The following CACNA2D1 variants were observed in gnomAD, a reference collection of about 807,000 sequenced individuals.
The protein encoded by CACNA2D1 is calcium voltage-gated channel auxiliary subunit alpha2delta 1.
In CACNA2D1, 53 loss-of-function variants were observed where a neutral mutation model predicts 171.5. That is an observed-to-expected ratio of 0.31 (90% CI 0.25 to 0.39). CACNA2D1 has a LOEUF of 0.39. Ranked by LOEUF, CACNA2D1 falls within the 10% of genes least tolerant of loss-of-function variation. The pLI is 1.00. For synonymous variants in CACNA2D1, 442 were observed against 443.1 expected (o/e 1.00, Z 0.03); for missense variants, 903 against 1,299.8 (o/e 0.69, Z 4.69).
At chr7:82,328,970 C>T (rs567022253) in intron 3 of CACNA2D1, among the ~76,000 whole-genome samples, 71 of 152,152 alleles carry the variant, frequency 4.7e-4, no homozygotes, top group Non-Finnish European at 1.0e-4. Flanking sequence ...TCCTGGATCC[C>T]CTTCTCACTT....
intron 3 of CACNA2D1, among the ~76,000 whole-genome samples, chr7:82,249,341 A>G (rs1805355433): frequency 6.6e-6 from 1 of 152,182 alleles, no homozygotes; most frequent in Non-Finnish European, 1.5e-5. Context: ...ATGGACTTGT[A>G]GAAAAAAAGA....
intron 10 of CACNA2D1, among the ~76,000 whole-genome samples, chr7:82,052,009 T>A (rs896634242): frequency 6.6e-6 from 1 of 152,176 alleles, no homozygotes; most frequent in South Asian, 2.1e-4. Context: ...GATTTAAGCA[T>A]GAAAAATTAC....
chr7:82,140,477 TAATAAG>T (rs1389107336), intron 4 of CACNA2D1, among the ~76,000 whole-genome samples: 1 of 152,192 alleles, frequency 6.6e-6, no homozygotes, highest in Non-Finnish European at 1.5e-5. Flanking sequence ...TGATCAATTT[TAATAAG>T]AATAAATTTA....
chr7:81,957,895 C>T (rs943561380), intron 38 of CACNA2D1, among the ~76,000 whole-genome samples: 11 of 152,050 alleles, frequency 7.2e-5, no homozygotes, highest in Non-Finnish European at 1.2e-4. Flanking sequence ...TTTTAAGTCA[C>T]TTTTCAAGTT....
At chr7:82,274,059 T>G (rs1808994241) in intron 3 of CACNA2D1, among the ~76,000 whole-genome samples, 1 of 152,088 alleles carries the variant, frequency 6.6e-6, no homozygotes, top group Non-Finnish European at 1.5e-5. Context: ...CCTTATATAC[T>G]CTCGCACTTG....
At chr7:82,288,454 C>G (rs1811116860) in intron 3 of CACNA2D1, among the ~76,000 whole-genome samples, 1 of 135,922 alleles carries the variant, frequency 7.4e-6, no homozygotes, top group African/African-American at 2.8e-5. Context: ...CACACACACA[C>G]ACACATTTGA....
intron 7 of CACNA2D1, among the ~76,000 whole-genome samples, chr7:82,071,250 C>T (rs1808290682): frequency 6.6e-6 from 1 of 152,118 alleles, no homozygotes; most frequent in South Asian, 2.1e-4. Flanking sequence ...GATAGTTAAT[C>T]CTAGAGAATA....
intron 3 of CACNA2D1, among the ~76,000 whole-genome samples, chr7:82,297,072 C>CAAAAAAAAAAAAAAAAAA (rs57473351): frequency 1.2e-4 from 9 of 72,238 alleles, no homozygotes; most frequent in Non-Finnish European, 2.0e-4. Context: ...CTGTGTCTAC[C>CAAAAAAAAAAAAAAAAAA]AAAAAAAAAA....
intron 1 of CACNA2D1, among the ~76,000 whole-genome samples, chr7:82,379,490 GA>G (rs1365134260): frequency 1.3e-5 from 2 of 151,980 alleles, no homozygotes; most frequent in Admixed American, 1.3e-4. Context: ...ATTTGTTTTA[GA>G]AAAAATGATT....
At chr7:82,076,645 C>A (rs534442205) in intron 7 of CACNA2D1, among the ~76,000 whole-genome samples, 1 of 152,088 alleles carries the variant, frequency 6.6e-6, no homozygotes, top group African/African-American at 2.4e-5. Context: ...GGTCAAGCTT[C>A]CCCAAGTCTT....
intron 1 of CACNA2D1, among the ~76,000 whole-genome samples, chr7:82,437,899 A>G (rs975642523): frequency 6.6e-6 from 1 of 152,146 alleles, no homozygotes; most frequent in African/African-American, 2.4e-5. Context: ...CACACCACCA[A>G]ATATGTTTAA....
intron 1 of CACNA2D1, among the ~76,000 whole-genome samples, chr7:82,426,132 AAAATATAT>A (rs908540039): frequency 9.6e-6 from 1 of 104,292 alleles, no homozygotes; most frequent in South Asian, 3.8e-4. Flanking sequence ...CTCTGCTTCA[AAAATATAT>A]AAATAAATAA....
intron 22 of CACNA2D1, 126 bp from the exon 23 acceptor site, chr7:81,983,460 G>A: frequency 1.3e-6 from 1 of 745,676 alleles, no homozygotes; most frequent in Non-Finnish European, 2.4e-6. Context: ...TAGATCAAAG[G>A]TTCATTTATG....
intron 1 of CACNA2D1, among the ~76,000 whole-genome samples, chr7:82,369,756 A>C (rs1300216345): frequency 6.6e-6 from 1 of 151,830 alleles, no homozygotes; most frequent in Non-Finnish European, 1.5e-5. Flanking sequence ...GTTCCTCCAT[A>C]AATTAAGAGT....
chr7:81,972,268 T>C (rs1168891379), intron 25 of CACNA2D1, among the ~76,000 whole-genome samples: 2 of 151,394 alleles, frequency 1.3e-5, no homozygotes, highest in South Asian at 2.1e-4. Context: ...ATAAAATTTA[T>C]ATATATAGAA....
intron 1 of CACNA2D1, among the ~76,000 whole-genome samples, chr7:82,418,893 C>T (rs968572467): frequency 2.6e-5 from 4 of 151,942 alleles, no homozygotes; most frequent in East Asian, 3.9e-4. Context: ...CCGAGGCAGG[C>T]GGATCACGAG....
At chr7:82,060,210 T>A (rs1453107488) in intron 10 of CACNA2D1, among the ~76,000 whole-genome samples, 2 of 33,968 alleles carry the variant, frequency 5.9e-5, no homozygotes, top group African/African-American at 2.1e-4. Context: ...ATTATATATA[T>A]AATATATATA....
intron 11 of CACNA2D1, among the ~76,000 whole-genome samples, chr7:82,036,408 C>T (rs10280550): frequency 0.015 from 2,250 of 152,298 alleles, 71 homozygotes; most frequent in African/African-American, 0.051. Context: ...TTGTGTCACA[C>T]TTCTGTGATT....
intron 6 of CACNA2D1, among the ~76,000 whole-genome samples, chr7:82,106,112 G>A (rs1304350583): frequency 6.6e-6 from 1 of 151,998 alleles, no homozygotes; most frequent in African/African-American, 2.4e-5. Flanking sequence ...CGAATTTTGA[G>A]ACAAAATAAA....
Sources: allele counts gnomAD v4.1 joint callset (sites outside exome capture counted in the v4.1 genomes callset), GRCh38; gene constraint gnomAD v4.1.1; transcripts MANE v1.5; gene names NCBI Gene and HGNC (gene_info 2026-07-23, HGNC 2026-07-21).